ZNF704: variants seen among roughly 807,000 people sequenced by gnomAD.
ZNF704 encodes zinc finger protein 704.
In ZNF704, 10 loss-of-function variants were observed where a neutral mutation model predicts 44.7. The ratio of observed to expected loss-of-function variants is 0.22; its 90% CI spans 0.14 to 0.38. The LOEUF (loss-of-function observed/expected upper bound fraction) is 0.38, where lower values mean the gene tolerates loss of function less well. Ranked by LOEUF, ZNF704 falls within the 10% of genes least tolerant of loss-of-function variation. ZNF704 has a pLI of 1.00. For missense variants in ZNF704, 390 were observed against 545.5 expected (o/e 0.71, Z 2.84); for synonymous variants, 211 against 207.6 (o/e 1.02, Z -0.14).
In ZNF704 at chr8:80,668,833, T is replaced by C. The variant is rs1050504782; in HGVS notation, c.659+1670A>G. Among the ~76,000 whole-genome samples the C allele has an allele frequency of 6.6e-5, 10 of 152,154 alleles. 1 individual carries two copies. Among genetic ancestry groups the C allele is most frequent in the South Asian group, 6.2e-4 (3 of 4,826 alleles). On this transcript the variant is annotated intron_variant, in intron 5 of 8. Transcript: ENST00000327835. The stretch of plus-strand genomic sequence containing the variant: ...TCCTACAGCCATGTAATTGAGTTCA[T>C]GGATAAAGGCAAATGTATGTTCCCT...
intron 2 of ZNF704, among the ~76,000 whole-genome samples, chr8:80,705,694 T>C (rs551795368): frequency 6.5e-4 from 98 of 151,720 alleles, no homozygotes; most frequent in Non-Finnish European, 1.2e-3. Context: ...GATGAGGGAG[T>C]GGGAGGTGGC....
chr8:80,775,455 C>T (rs1455637988), intron 2 of ZNF704, among the ~76,000 whole-genome samples: 1 of 152,110 alleles, frequency 6.6e-6, no homozygotes, highest in Non-Finnish European at 1.5e-5. Context: ...AGAAGCCATG[C>T]AAAGTGCCTA....
At chr8:80,699,340 T>C (rs943994706) in intron 2 of ZNF704, among the ~76,000 whole-genome samples, 2 of 152,198 alleles carry the variant, frequency 1.3e-5, no homozygotes, top group Admixed American at 6.5e-5. Context: ...TCCGAATTAA[T>C]TTTAGCTGCT....
At chr8:80,741,239 C>T (rs982437646) in intron 2 of ZNF704, among the ~76,000 whole-genome samples, 7 of 152,166 alleles carry the variant, frequency 4.6e-5, no homozygotes, top group Non-Finnish European at 1.0e-4. Flanking sequence ...GTAAGATGGA[C>T]ACCTGAAGCA....
chr8:80,782,435 C>T (rs935229462), intron 2 of ZNF704, among the ~76,000 whole-genome samples: 23 of 152,144 alleles, frequency 1.5e-4, no homozygotes, highest in Non-Finnish European at 2.6e-4. Context: ...TAACTAGAGT[C>T]TCAACAAGAG....
In ZNF704 at chr8:80,630,369, G is replaced by C. The variant is rs1817563703; in HGVS notation, c.*10997C>G. ...TCATTTCCACACGAGTGTCACACAG[G>C]AAGGACTGCTGTTTTCTCTTCATTC... On this transcript the variant is annotated 3_prime_UTR_variant, in exon 9 of 9. Transcript: ENST00000327835. The C allele has an allele frequency of 1.3e-5, 2 of 152,328 alleles. No homozygotes were observed. Among genetic ancestry groups the C allele is most frequent in the South Asian group, 4.1e-4 (2 of 4,820 alleles). The allele number at this position is 152,328 out of a possible 1,614,324, so 9.4% of individuals were successfully genotyped here.
At chr8:80,873,490 G>C (rs1375582622) in intron 1 of ZNF704, 2 of 151,740 alleles carry the variant, frequency 1.3e-5, no homozygotes, top group African/African-American at 4.8e-5. Context: ...GCCCGGGCCC[G>C]TCCCCCTCCC....
intron 2 of ZNF704, among the ~76,000 whole-genome samples, chr8:80,774,686 T>C (rs757647756): frequency 5.3e-5 from 8 of 152,192 alleles, no homozygotes; most frequent in Non-Finnish European, 1.2e-4. Flanking sequence ...ATAGGGTAGA[T>C]GTCTGGGTTC....
chr8:80,823,200 G>T (rs1344456289), intron 1 of ZNF704, among the ~76,000 whole-genome samples: 1 of 152,190 alleles, frequency 6.6e-6, no homozygotes, highest in Non-Finnish European at 1.5e-5. Flanking sequence ...ATGGTACCTG[G>T]AAAATCAGGA....
At chr8:80,730,180 A>G (rs566651664) in intron 2 of ZNF704, among the ~76,000 whole-genome samples, 11 of 152,212 alleles carry the variant, frequency 7.2e-5, no homozygotes, top group Non-Finnish European at 1.2e-4. Context: ...TTTCTTTTAC[A>G]GTTAAAAGAA....
chr8:80,802,108 T>G (rs546338314), intron 2 of ZNF704, among the ~76,000 whole-genome samples: 1 of 141,230 alleles, frequency 7.1e-6, no homozygotes, highest in East Asian at 2.1e-4. Flanking sequence ...ATATACACCC[T>G]CCCAAGATGG....
At chr8:80,770,968 T>G (rs181464491) in intron 2 of ZNF704, among the ~76,000 whole-genome samples, 4 of 152,308 alleles carry the variant, frequency 2.6e-5, no homozygotes, top group African/African-American at 7.2e-5. Context: ...CCATTTGTTG[T>G]GAAAGATAAC....
chr8:80,830,678 G>A (rs1234709488), intron 1 of ZNF704, among the ~76,000 whole-genome samples: 2 of 151,272 alleles, frequency 1.3e-5, no homozygotes, highest in East Asian at 3.9e-4. Context: ...ACGGAAGGAA[G>A]GAAGGAAGGA....
chr8:80,853,636 CAG>C (rs1808909265), intron 1 of ZNF704, among the ~76,000 whole-genome samples: 1 of 151,890 alleles, frequency 6.6e-6, no homozygotes, highest in Non-Finnish European at 1.5e-5. Context: ...AAAGAACAAA[CAG>C]AACTTGGTAA....
intron 2 of ZNF704, among the ~76,000 whole-genome samples, chr8:80,755,454 C>A (rs1563542366): frequency 6.6e-6 from 1 of 152,008 alleles, no homozygotes; most frequent in South Asian, 2.1e-4. Flanking sequence ...GACTCCATCT[C>A]AAAAACAAAC....
the ZNF704 span, among the ~76,000 whole-genome samples, chr8:80,880,445 G>T: frequency 1.3e-5 from 2 of 152,178 alleles, no homozygotes; most frequent in Non-Finnish European, 2.9e-5. Context: ...ATTTGTAGAA[G>T]GGATAAAAGT....
At chr8:80,682,827 G>T (rs987094068) in intron 4 of ZNF704, among the ~76,000 whole-genome samples, 2 of 152,178 alleles carry the variant, frequency 1.3e-5, no homozygotes, top group Non-Finnish European at 2.9e-5. Context: ...CATCAATATG[G>T]TGCCACCATT....
At chr8:80,834,733 T>G (rs139430370) in intron 1 of ZNF704, among the ~76,000 whole-genome samples, 3 of 152,164 alleles carry the variant, frequency 2.0e-5, no homozygotes, top group Non-Finnish European at 4.4e-5. Context: ...CCTCCCTGTG[T>G]CCATGTGTTC....
In ZNF704 at chr8:80,672,177, C is replaced by T. The variant is rs548362272; in HGVS notation, c.559-1574G>A. Among the ~76,000 whole-genome samples, 14 of 152,274 alleles carry T rather than the reference C, an allele frequency of 9.2e-5. No homozygotes were observed. The South Asian group carries it at 2.9e-3, about 32-fold the overall frequency. The stretch of plus-strand genomic sequence containing the variant: ...AAAATAGGAAAAAGACGCTCAATAT[C>T]ACTAATCATCAGAGAAATGCAAATG... On this transcript the variant is annotated intron_variant, in intron 4 of 8. Transcript: ENST00000327835.
Sources: allele counts gnomAD v4.1 joint callset (sites outside exome capture counted in the v4.1 genomes callset), GRCh38; gene constraint gnomAD v4.1.1; transcripts MANE v1.5; gene names NCBI Gene and HGNC (gene_info 2026-07-23, HGNC 2026-07-21).